The following DMRT2 variants were observed in gnomAD, a reference collection of about 807,000 sequenced individuals.
The protein encoded by DMRT2 is doublesex and mab-3 related transcription factor 2.
DMRT2 carries 33 observed loss-of-function variants against 43.5 expected under a neutral mutation model. The observed-to-expected ratio is 0.76, with a 90% CI of 0.58 to 1.01. DMRT2 has a LOEUF of 1.01. Among genes scored for constraint, DMRT2 ranks in the 50% least tolerant of loss-of-function variants. The pLI is 0.00. For synonymous variants in DMRT2, 395 were observed against 309.2 expected, an observed-to-expected ratio of 1.28 and a Z score of -2.91; for missense variants, 1,064 against 748.0, an observed-to-expected ratio of 1.42 and a Z score of -4.93.
At chr9:1,053,875 T>C in intron 3 of DMRT2, 51 bp downstream of exon 3, 2 of 1,444,084 alleles carry the variant, frequency 1.4e-6, no homozygotes, top group Non-Finnish European at 1.9e-6. Flanking sequence ...TGAGTGACTC[T>C]CATTAATCAG....
intron 3 of DMRT2, among the ~76,000 whole-genome samples, 156 bp downstream of exon 3, chr9:1,053,980 G>A (rs1305570829): frequency 6.6e-6 from 1 of 152,194 alleles, no homozygotes; most frequent in African/African-American, 2.4e-5. Context: ...GAGCCCGTAC[G>A]CTAAAACTGA....
intron 3 of DMRT2, chr9:1,055,785 T>G (rs774186247): frequency 1.1e-5 from 16 of 1,509,322 alleles, no homozygotes; most frequent in Non-Finnish European, 9.8e-6. Context: ...AAAATAAAAG[T>G]GACATCAGCT....
chr9:1,057,318 A>G lies in DMRT2; in HGVS notation c.*45A>G, dbSNP rs9140. 0.62 allele frequency: 941,600 copies of G among 1,528,622 alleles called. 296,444 individuals carry two copies. The highest frequency in any genetic ancestry group is 0.86 in the African/African-American group (61,542 of 71,904). The allele number at this position is 1,528,622 out of a possible 1,614,324, so 94.7% of individuals were successfully genotyped here. A position where few individuals can be genotyped will look rare whatever the true frequency, so the allele number is the denominator to read the frequency against. On this transcript the variant is annotated 3_prime_UTR_variant, in exon 4 of 4. Transcript: ENST00000358146. ...GCTGGATTTTCTGCAGTCTTAGAGC[A>G]TTATAGCCATTTGCTACTTTTTTTA...
rs750029316 is a variant in DMRT2 at position 1,056,481 on chromosome 9, C to G, written c.894C>G (p.Asp298Glu). 3.1e-6 allele frequency: 5 copies of G among 1,614,074 alleles called. 1 individual carries two copies. The Admixed American group carries it at 5.0e-5, about 16-fold the overall frequency. The change falls in exon 4 of 4, where the codon GAC becomes GAG. Residue 298 changes from aspartate to glutamate, a missense_variant. Asp to Glu is a conservative substitution (Grantham distance 45). Transcript: ENST00000358146. The part of the protein sequence containing the change: ...SPSPVEPPSK[D>E]FCNFLPTCLD... Reference sequence around the variant, plus strand: ...GCCCAGTGGAACCACCAAGCAAGGACTTCTGTAATTTTTTGCCCACCTGCC... The same window carrying G: ...GCCCAGTGGAACCACCAAGCAAGGAGTTCTGTAATTTTTTGCCCACCTGCC...
At chr9:1,056,093 C>T (rs1821963438) in intron 3 of DMRT2, 123 bp from the exon 4 acceptor site, 14 of 1,491,044 alleles carry the variant, frequency 9.4e-6, no homozygotes, top group Non-Finnish European at 1.2e-5. Flanking sequence ...ATAAAAATAT[C>T]AGTGAGATGG....
At chr9:1,054,806 A>G (rs1821857855) in intron 3 of DMRT2, among the ~76,000 whole-genome samples, 1 of 152,204 alleles carries the variant, frequency 6.6e-6, no homozygotes, top group Non-Finnish European at 1.5e-5. Context: ...AAAATTTTTA[A>G]GTAGACATTT....
intron 3 of DMRT2, chr9:1,054,797 A>C (rs1821857338): frequency 6.6e-6 from 1 of 152,258 alleles, no homozygotes; most frequent in African/African-American, 2.4e-5. Context: ...AAGTAAACAA[A>C]AATTTTTAAG....
In DMRT2 at chr9:1,056,653, T is replaced by A. The variant is rs762838054; in HGVS notation, c.1066T>A (p.Tyr356Asn). 3 of 1,614,192 alleles carry A rather than the reference T, an allele frequency of 1.9e-6. No individual in the cohort carries two copies. The Admixed American group carries it at 5.0e-5, about 27-fold the overall frequency. Residue 356 changes from tyrosine (Y) to asparagine (N), a missense_variant, in exon 4 of 4, where the codon TAC becomes AAC. Transcript: ENST00000358146. ...TGGCCCCATTAGCGACACCCTCCTCTACCAGCAATGCCTGCTAAATGCCAC... is the reference window on the plus strand; with the variant it reads ...TGGCCCCATTAGCGACACCCTCCTCAACCAGCAATGCCTGCTAAATGCCAC... ...KCGPISDTLL[Y>N]QQCLLNATTS...
chr9:1,055,188 C>T (rs977590451), intron 3 of DMRT2, among the ~76,000 whole-genome samples: 3 of 152,172 alleles, frequency 2.0e-5, no homozygotes, highest in African/African-American at 7.2e-5. Flanking sequence ...GAAATGTAAA[C>T]ATTAATTTTC....
At chr9:1,055,683 T>G (rs1821929708) in intron 3 of DMRT2, 1 of 1,465,756 alleles carries the variant, frequency 6.8e-7, no homozygotes, top group East Asian at 2.5e-5. Flanking sequence ...TTCTACTCGC[T>G]AATCTCCTTT....
chr9:1,053,767 G>T lies in DMRT2; in HGVS notation c.571G>T (p.Ala191Ser), dbSNP rs781279164. The T allele has an allele frequency of 5.5e-5, 88 of 1,614,014 alleles. No individual in the cohort carries two copies. The highest frequency in any genetic ancestry group is 7.2e-5 in the Non-Finnish European group (85 of 1,180,024). Reference protein sequence around the residue: ...SGKQNNFERKAVYQRQVRAPS... With the variant: ...SGKQNNFERKSVYQRQVRAPS... ...GAAACAGAATAATTTCGAGCGCAAA[G>T]CTGTGTACCAGAGGCAAGTCAGAGC... The change falls in exon 3 of 4, where the codon GCT becomes TCT. Residue 191 changes from alanine to serine, a missense_variant. Ala to Ser is a moderately conservative substitution (Grantham distance 99). Coordinates refer to ENST00000358146, the MANE Select transcript of DMRT2 (RefSeq NM_181872.6).
chr9:1,057,363 A>C lies in DMRT2; in HGVS notation c.*90A>C. 1 of 1,415,786 alleles carries C rather than the reference A, an allele frequency of 7.1e-7. No homozygotes were observed. The highest frequency in any genetic ancestry group is 9.4e-7 in the Non-Finnish European group (1 of 1,062,204). The allele number at this position is 1,415,786 out of a possible 1,614,324, so 87.7% of individuals were successfully genotyped here. On this transcript the variant is annotated 3_prime_UTR_variant, in exon 4 of 4. Coordinates refer to ENST00000358146, the MANE Select transcript of DMRT2 (RefSeq NM_181872.6). ...TTTTTAAAAGTTAAGATGTTTGTGT[A>C]AAGAAATTTCTAATGTAAAGATGAT...
rs1464034005 is a variant in DMRT2, at chr9:1,051,573, G to T, written c.-41G>T. The T allele has an allele frequency of 1.2e-5, 18 of 1,480,156 alleles. 1 individual carries two copies. In the South Asian group the frequency reaches 2.4e-4, roughly 19 times the overall value. The allele number at this position is 1,480,156 out of a possible 1,614,324, so 91.7% of individuals were successfully genotyped here. On this transcript the variant is annotated 5_prime_UTR_variant, in exon 2 of 4. Coordinates refer to ENST00000358146, the MANE Select transcript of DMRT2 (RefSeq NM_181872.6). This position sits in a 1 kb window ranked among gnomAD's most constrained non-coding sequence, Gnocchi z 5.9. The stretch of plus-strand genomic sequence containing the variant: ...GGATTTCTTTGTGTTTCCCCAGAGT[G>T]AGGGCCGCCAGGCTCAGGCCCCAGC...
intron 3 of DMRT2, among the ~76,000 whole-genome samples, chr9:1,054,425 G>T (rs73639840): frequency 0.027 from 3,033 of 114,230 alleles, 99 homozygotes; most frequent in African/African-American, 0.099. Context: ...TTTTTTTTTT[G>T]GATTACTTGG....
At chr9:1,055,060 A>T (rs548042595) in intron 3 of DMRT2, among the ~76,000 whole-genome samples, 1 of 152,354 alleles carries the variant, frequency 6.6e-6, no homozygotes, top group Non-Finnish European at 1.5e-5. Context: ...GGATAAACAG[A>T]TTTATAATAA....
At position 1,057,120 on chromosome 9, in the gene DMRT2, C is replaced by T. The variant is rs142405639; in HGVS notation, c.1533C>T (p.Asn511=). ...KKHRECLVKD[N]QKYTFTIDRC... ...ACAGAGAGTGTTTAGTTAAGGACAA[C>T]CAGAAGTACACATTTACAATAGATA... Residue 511 remains asparagine, a synonymous_variant, in exon 4 of 4, where the codon AAC becomes AAT. Transcript: ENST00000358146. The T allele has an allele frequency of 1.2e-6, 2 of 1,613,880 alleles. No homozygotes were observed. Among genetic ancestry groups the T allele is most frequent in the East Asian group, 2.2e-5 (1 of 44,858 alleles).
Position 1,052,010 on chromosome 9 carries a change from T to A in DMRT2, c.397T>A (p.Ser133Thr), listed in dbSNP as rs1047364217. The change falls in exon 2 of 4, where the codon TCC (serine) becomes ACC (threonine). Residue 133 changes from serine (S) to threonine (T), a missense_variant. Transcript: ENST00000358146. ...CARCRNHGVV[S>T]CLKGHKRFCR... The stretch of plus-strand genomic sequence containing the variant: ...GCGCTGCCGCAACCACGGCGTGGTG[T>A]CCTGCCTGAAGGGCCACAAGCGCTT... The A allele has an allele frequency of 1.4e-6, 2 of 1,471,246 alleles. No homozygotes were observed. The highest frequency in any genetic ancestry group is 4.8e-5 in the Admixed American group (2 of 41,594). 91.1% of individuals were successfully genotyped at this position (1,471,246 alleles called of 1,614,324 possible). A position where few individuals can be genotyped will look rare whatever the true frequency, so the allele number is the denominator to read the frequency against.
At chr9:1,050,850 C>T (rs562614953) in intron 1 of DMRT2, 75 bp downstream of exon 1, 1 of 152,420 alleles carries the variant, frequency 6.6e-6, no homozygotes, top group African/African-American at 2.4e-5. Context: ...TTCTGTGTGA[C>T]TTGGATGCCT....
rs1238840724 is a variant in DMRT2, at chr9:1,053,622, G to A, written c.526-100G>A. 8.0e-6 allele frequency: 8 copies of A among 999,422 alleles called. No individual in the cohort carries two copies. In the African/African-American group the frequency reaches 9.7e-5, roughly 12 times the overall value. 61.9% of individuals were successfully genotyped at this position (999,422 alleles called of 1,614,324 possible). ...ATGGGAAAATTCAATACATTTAGAA[G>A]GGGGAGAGTTTCTAGAAGATTTACG... On this transcript the variant is annotated intron_variant, in intron 2 of 3. Transcript: ENST00000358146.
Sources: gnomAD v4.1 joint callset for allele counts (sites outside exome capture counted in the v4.1 genomes callset) on GRCh38, gnomAD v4.1.1 for gene constraint, Gnocchi (gnomAD v3.1) non-coding constraint, MANE v1.5 for transcripts, NCBI Gene and HGNC (gene_info 2026-07-23, HGNC 2026-07-21) for gene names.